Variants in GATC observed in about 807,000 individuals in gnomAD.
GATC encodes the protein glutamyl-tRNA(Gln) amidotransferase subunit C, mitochondrial.
Under a neutral mutation model 14.4 loss-of-function variants are expected in GATC, and 11 were observed. The observed-to-expected ratio is 0.77, with a 90% CI of 0.48 to 1.27. The LOEUF is 1.27. GATC is among the 50% of genes most tolerant of loss of function. GATC has a pLI of 0.00. For missense variants in GATC, 204 were observed against 183.0 expected (o/e 1.11, Z -0.66); for synonymous variants, 76 against 79.3 (o/e 0.96, Z 0.22).
chr12:120,453,982 G>C (rs980810587), intron 2 of GATC, among the ~76,000 whole-genome samples: 6 of 152,072 alleles, frequency 3.9e-5, no homozygotes, highest in African/African-American at 1.2e-4. Flanking sequence ...GGTGAATTTT[G>C]TTTTCCTGGA....
At chr12:120,458,598 T>G (rs1376302607) in intron 3 of GATC, among the ~76,000 whole-genome samples, 3 of 152,160 alleles carry the variant, frequency 2.0e-5, no homozygotes, top group East Asian at 3.9e-4. Context: ...GAACCTTGGA[T>G]AGGTTGACTG....
intron 3 of GATC, among the ~76,000 whole-genome samples, chr12:120,457,405 A>C (rs1878215862): frequency 6.6e-6 from 1 of 151,978 alleles, no homozygotes; most frequent in Non-Finnish European, 1.5e-5. Context: ...GGGAGGTTTA[A>C]AGTAGGTGGA....
chr12:120,463,211 T>A lies in GATC; in HGVS notation c.*3252T>A, dbSNP rs957139058. Reference sequence around the variant, plus strand: ...CTGAGATCCAAAACAGCAGCTGCTTTCCTACAAGGAAAGACATCAAGAACT... The same window carrying A: ...CTGAGATCCAAAACAGCAGCTGCTTACCTACAAGGAAAGACATCAAGAACT... On this transcript the variant is annotated 3_prime_UTR_variant, in exon 4 of 4. Coordinates refer to ENST00000551765, the MANE Select transcript of GATC (RefSeq NM_176818.3). The A allele has an allele frequency of 3.9e-5, 6 of 152,160 alleles. No individual in the cohort carries two copies. The highest frequency in any genetic ancestry group is 1.5e-5 in the Non-Finnish European group (1 of 68,040). The allele number at this position is 152,160 out of a possible 1,614,324, so 9.4% of individuals were successfully genotyped here. A position where few individuals can be genotyped will look rare whatever the true frequency, so the allele number is the denominator to read the frequency against.
intron 2 of GATC, among the ~76,000 whole-genome samples, chr12:120,448,480 C>T (rs1460391398): frequency 6.6e-6 from 1 of 151,472 alleles, no homozygotes; most frequent in Non-Finnish European, 1.5e-5. Context: ...AGGCACCCGC[C>T]ACCACACTCA....
intron 2 of GATC, among the ~76,000 whole-genome samples, chr12:120,455,287 G>C (rs1368983789): frequency 6.6e-6 from 1 of 151,894 alleles, no homozygotes; most frequent in Non-Finnish European, 1.5e-5. Context: ...TCCCGCCTCA[G>C]CCTCCCGAGT....
At position 120,460,798 on chromosome 12, in the gene GATC, G is replaced by C. The variant is rs1878314787; in HGVS notation, c.*839G>C. 1 of 152,136 alleles carries C rather than the reference G, an allele frequency of 6.6e-6. No individual in the cohort carries two copies. 9.4% of individuals were successfully genotyped at this position (152,136 alleles called of 1,614,324 possible). On this transcript the variant is annotated 3_prime_UTR_variant, in exon 4 of 4. Coordinates refer to ENST00000551765, the MANE Select transcript of GATC (RefSeq NM_176818.3). ...AGACGGGCGGATCACAAGGTCAGGA[G>C]ATCAAGACCATCCTGGCTAATGCGG...
intron 3 of GATC, among the ~76,000 whole-genome samples, chr12:120,458,848 A>C (rs1878253633): frequency 6.6e-6 from 1 of 152,090 alleles, no homozygotes; most frequent in South Asian, 2.1e-4. Context: ...GAAAGCTAGA[A>C]ATTTTGTGAG....
At chr12:120,447,072 GTTTGT>G (rs1346622592) in intron 2 of GATC, among the ~76,000 whole-genome samples, 1 of 133,906 alleles carries the variant, frequency 7.5e-6, no homozygotes, top group Admixed American at 7.7e-5. Flanking sequence ...TTTTTTGTTT[GTTTGT>G]TTTGTTTTTT....
intron 2 of GATC, among the ~76,000 whole-genome samples, chr12:120,454,055 T>C (rs1260223260): frequency 6.6e-6 from 1 of 152,204 alleles, no homozygotes; most frequent in African/African-American, 2.4e-5. Flanking sequence ...AATAGATTAG[T>C]TGCTATTAGA....
chr12:120,450,621 A>G (rs1179462), intron 2 of GATC: 116,801 of 159,622 alleles, frequency 0.73, 43,949 homozygotes, highest in African/African-American at 0.92. Flanking sequence ...TGGTATCAAT[A>G]CACATATCTG....
chr12:120,447,698 C>A (rs1042142946), intron 2 of GATC, among the ~76,000 whole-genome samples: 1 of 151,958 alleles, frequency 6.6e-6, no homozygotes, highest in East Asian at 1.9e-4. Context: ...TTTGTTATAT[C>A]TCTTTTATTA....
intron 3 of GATC, among the ~76,000 whole-genome samples, chr12:120,458,210 T>C (rs1342610839): frequency 6.6e-6 from 1 of 151,548 alleles, no homozygotes; most frequent in Non-Finnish European, 1.5e-5. Context: ...TGCCTCAGCC[T>C]GCCGAGTAGC....
At chr12:120,457,000 CCTT>C in intron 2 of GATC, 73 bp from the exon 3 acceptor site, 1 of 898,774 alleles carries the variant, frequency 1.1e-6, no homozygotes, top group Non-Finnish European at 1.9e-6. Flanking sequence ...CTTGTTCTCT[CCTT>C]CTTGCCCCTC....
Position 120,462,762 on chromosome 12 carries a change from C to T in GATC, c.*2803C>T, listed in dbSNP as rs542627938. The stretch of plus-strand genomic sequence containing the variant: ...AAGCAGCAGAGGAGTCATGTCCAGG[C>T]TGGCTTGTCCCCAGGCCCTCTGCCT... On this transcript the variant is annotated 3_prime_UTR_variant, in exon 4 of 4. Coordinates refer to ENST00000551765, the MANE Select transcript of GATC (RefSeq NM_176818.3). The T allele has an allele frequency of 2.3e-4, 35 of 152,384 alleles. No individual in the cohort carries two copies. Among genetic ancestry groups the T allele is most frequent in the African/African-American group, 8.2e-4 (34 of 41,574 alleles). 9.4% of individuals were successfully genotyped at this position (152,384 alleles called of 1,614,324 possible).
At chr12:120,451,892 T>TTTTTTTTTTTTTTTTTG (rs1878061795) in intron 2 of GATC, among the ~76,000 whole-genome samples, 1 of 141,830 alleles carries the variant, frequency 7.1e-6, no homozygotes, top group African/African-American at 2.6e-5. Flanking sequence ...TTTTTTTTTT[T>TTTTTTTTTTTTTTTTTG]TTTGAGCTGG....
Position 120,447,546 on chromosome 12 carries a change from A to G in GATC, c.254+717A>G, listed in dbSNP as rs1330163933. ...TTTTTTCCTTCCTCTCAGTATTTGC[A>G]TGGCTGCCTCCCTCTTGGCACAGGT... On this transcript the variant is annotated intron_variant, in intron 2 of 3. Transcript: ENST00000551765. Among the ~76,000 whole-genome samples, 15 of 151,886 alleles carry G rather than the reference A, an allele frequency of 9.9e-5. No individual in the cohort carries two copies. The East Asian group carries it at 2.9e-3, about 29-fold the overall frequency.
intron 2 of GATC, chr12:120,455,031 G>A (rs1480065935): frequency 2.2e-6 from 1 of 446,676 alleles, no homozygotes; most frequent in African/African-American, 2.0e-5. Flanking sequence ...GGGATTACAG[G>A]TATGTACCAC....
rs1312915983 is a variant in GATC, at chr12:120,446,839, C to A, written c.254+10C>A. On this transcript the variant is annotated intron_variant, in intron 2 of 3. Transcript: ENST00000551765. ...CGGTCCTGGAGGACAGGTAAACTCG[C>A]GGCTGCAGCCCCGAAGCCTTGACCG... 6.3e-7 allele frequency: 1 copy of A among 1,583,912 alleles called. No individual in the cohort carries two copies. The highest frequency in any genetic ancestry group is 1.1e-5 in the South Asian group (1 of 88,606).
rs1170221029 is a variant in GATC, at chr12:120,451,875, C to CTTTTTTTTTTT, written c.254+5056_254+5066dup. Reference sequence around the variant, plus strand: ...CAGGGGCTAATAAATTATATAAATTCTTTTTTTTTTTTTTTTTTTTGAGCT... The same window carrying CTTTTTTTTTTT: ...CAGGGGCTAATAAATTATATAAATTCTTTTTTTTTTTTTTTTTTTTTTTTTTTTTTTGAGCT... On this transcript the variant is annotated intron_variant, in intron 2 of 3. Coordinates refer to ENST00000551765, the MANE Select transcript of GATC (RefSeq NM_176818.3). 3.1e-4 allele frequency among the ~76,000 whole-genome samples: 28 copies of CTTTTTTTTTTT among 90,794 alleles called. 5 individuals carry two copies. Among genetic ancestry groups the CTTTTTTTTTTT allele is most frequent in the South Asian group, 4.1e-4 (1 of 2,412 alleles). The allele number at this position is 90,794 out of a possible 152,430, so 59.6% of individuals were successfully genotyped here. A position where few individuals can be genotyped will look rare whatever the true frequency, so the allele number is the denominator to read the frequency against.
Sources: allele counts gnomAD v4.1 joint callset (sites outside exome capture counted in the v4.1 genomes callset), GRCh38; gene constraint gnomAD v4.1.1; transcripts MANE v1.5; gene names NCBI Gene and HGNC (gene_info 2026-07-23, HGNC 2026-07-21).